The following ZFAND5 variants were observed in gnomAD, a reference collection of about 807,000 sequenced individuals.
ZFAND5 encodes zinc finger AN1-type containing 5.
ZFAND5 carries 4 observed loss-of-function variants against 23.6 expected under a neutral mutation model. The ratio of observed to expected loss-of-function variants is 0.17; its 90% CI spans 0.08 to 0.39. The LOEUF is 0.39. Among genes scored for constraint, ZFAND5 ranks in the 10% least tolerant of loss-of-function variants. The probability of loss-of-function intolerance (pLI) is 1.00; values close to 1 mark genes in which losing one functional copy is unlikely to be tolerated. For synonymous variants in ZFAND5, 68 were observed against 80.6 expected, an observed-to-expected ratio of 0.84 and a Z score of 0.84; for missense variants, 161 against 253.7, an observed-to-expected ratio of 0.63 and a Z score of 2.48.
At position 72,353,029 on chromosome 9, in the gene ZFAND5, G is replaced by C. The variant is rs891530921; in HGVS notation, c.*2924C>G. The stretch of plus-strand genomic sequence containing the variant: ...ACCTAGGATCAAACCTGAGGCTCTA[G>C]TTTTACAGATCAGGCACACTGAAGA... On this transcript the variant is annotated 3_prime_UTR_variant, in exon 7 of 7. Transcript: ENST00000376962. 7 of 152,234 alleles carry C rather than the reference G, an allele frequency of 4.6e-5. No individual in the cohort carries two copies. Among genetic ancestry groups the C allele is most frequent in the African/African-American group, 1.7e-4 (7 of 41,458 alleles). The allele number at this position is 152,234 out of a possible 1,614,324, so 9.4% of individuals were successfully genotyped here.
chr9:72,360,353 T>C, intron 3 of ZFAND5, 132 bp from the exon 4 acceptor site: 1 of 889,884 alleles, frequency 1.1e-6, no homozygotes. Context: ...AATCCTATAC[T>C]TGAGTATCCA....
Position 72,359,456 on chromosome 9 carries a change from T to C in ZFAND5, c.329A>G (p.Asp110Gly). 1 of 1,613,706 alleles carries C rather than the reference T, an allele frequency of 6.2e-7. No homozygotes were observed. ...QMTEMSISREDKITTPKTEVS... is the reference protein window; with the variant it reads ...QMTEMSISREGKITTPKTEVS... ...CTCTGTTTTCGGGGTAGTTATTTTG[T>C]CCTCTCTTGAAATGCTCATTTCTGT... Residue 110 changes from aspartate to glycine, a missense_variant, in exon 5 of 7, where the codon GAC (aspartate) becomes GGC (glycine). Physicochemically the swap from Asp to Gly is moderately conservative, Grantham distance 94. This residue lies in a region of ZFAND5 where 116 missense variants were observed against 115.2 expected (regional missense o/e 1.01). Coordinates refer to ENST00000376962, the MANE Select transcript of ZFAND5 (RefSeq NM_001102420.3).
chr9:72,364,617 G>C, intron 1 of ZFAND5, 79 bp downstream of exon 1: 1 of 1,203,646 alleles, frequency 8.3e-7, no homozygotes, highest in Non-Finnish European at 1.1e-6. Flanking sequence ...ATTGGCCCGC[G>C]GCGCCCCGGT....
chr9:72,356,644 G>A (rs1213887888), intron 6 of ZFAND5, among the ~76,000 whole-genome samples: 1 of 152,090 alleles, frequency 6.6e-6, no homozygotes, highest in Non-Finnish European at 1.5e-5. Flanking sequence ...AGTAGGTGGC[G>A]CTTACTGTTA....
At chr9:72,357,681 G>A (rs568545592) in intron 5 of ZFAND5, among the ~76,000 whole-genome samples, 11 of 152,048 alleles carry the variant, frequency 7.2e-5, no homozygotes, top group Admixed American at 4.6e-4. Context: ...AAAACAGATC[G>A]GCAAACAGTC....
intron 2 of ZFAND5, among the ~76,000 whole-genome samples, chr9:72,361,679 A>AT (rs1379153038): frequency 6.6e-6 from 1 of 152,092 alleles, no homozygotes; most frequent in African/African-American, 2.4e-5. Flanking sequence ...CATAGCAAGC[A>AT]TTTGTTTCCA....
chr9:72,358,839 T>C (rs1842015685), intron 5 of ZFAND5, among the ~76,000 whole-genome samples: 1 of 152,096 alleles, frequency 6.6e-6, no homozygotes, highest in Non-Finnish European at 1.5e-5. Flanking sequence ...ATCTTTTTGT[T>C]CTAGGGCCTA....
chr9:72,356,158 A>G, intron 6 of ZFAND5, 57 bp from the exon 7 acceptor site: 1 of 1,574,162 alleles, frequency 6.4e-7, no homozygotes, highest in Non-Finnish European at 8.6e-7. Context: ...AAAGAAAAAA[A>G]AGCCTTAGTC....
In ZFAND5 at chr9:72,363,656, G is replaced by A. The variant is rs1284960680; in HGVS notation, c.-146-50C>T. 3.1e-6 allele frequency: 3 copies of A among 982,608 alleles called. No homozygotes were observed. In the East Asian group the frequency reaches 3.4e-4, roughly 112 times the overall value. The allele number at this position is 982,608 out of a possible 1,614,324, so 60.9% of individuals were successfully genotyped here. On this transcript the variant is annotated intron_variant, in intron 1 of 6. Coordinates refer to ENST00000376962, the MANE Select transcript of ZFAND5 (RefSeq NM_001102420.3). ...ACTACAAAGAATCCTTAATTTTTTA[G>A]GGGGGTGTGGGGAAACATTTTAACA...
chr9:72,353,390 G>A lies in ZFAND5; in HGVS notation c.*2563C>T, dbSNP rs563221460. On this transcript the variant is annotated 3_prime_UTR_variant, in exon 7 of 7. Transcript: ENST00000376962. ...AAACAAAAAAAAAACAAAAAAAACT[G>A]ATTGGCCGGGTGCGGTGCCTCACGC... The A allele has an allele frequency of 1.3e-5, 2 of 152,202 alleles. No individual in the cohort carries two copies. The highest frequency in any genetic ancestry group is 4.2e-4 in the South Asian group (2 of 4,818). 9.4% of individuals were successfully genotyped at this position (152,202 alleles called of 1,614,324 possible).
rs546409193 is a variant in ZFAND5, at chr9:72,357,116, A to G, written c.368-60T>C. 33 of 1,582,096 alleles carry G rather than the reference A, an allele frequency of 2.1e-5. No individual in the cohort carries two copies. In the East Asian group the frequency reaches 2.9e-4, roughly 14 times the overall value. The stretch of plus-strand genomic sequence containing the variant: ...TCACTGGCTAACATTTTTAAGTCAA[A>G]AAAGGAAGTATTTAAGAGAAACAGG... On this transcript the variant is annotated intron_variant, in intron 5 of 6. Transcript: ENST00000376962.
chr9:72,352,864 GAA>G lies in ZFAND5; in HGVS notation c.*3087_*3088del, dbSNP rs1841814223. ...TGGTTGCTGTCTTCATTTAAGAGATGAAGCAGTCCAAAGTGGACCTAAAATAA... is the reference window on the plus strand; with the variant it reads ...TGGTTGCTGTCTTCATTTAAGAGATGGCAGTCCAAAGTGGACCTAAAATAA... On this transcript the variant is annotated 3_prime_UTR_variant, in exon 7 of 7. Transcript: ENST00000376962. The G allele has an allele frequency of 6.6e-6, 1 of 152,240 alleles. No individual in the cohort carries two copies. Among genetic ancestry groups the G allele is most frequent in the African/African-American group, 2.4e-5 (1 of 41,462 alleles). The allele number at this position is 152,240 out of a possible 1,614,324, so 9.4% of individuals were successfully genotyped here.
intron 1 of ZFAND5, 52 bp downstream of exon 1, chr9:72,364,644 C>A (rs1842211788): frequency 1.7e-6 from 2 of 1,161,832 alleles, no homozygotes; most frequent in East Asian, 9.1e-5. Context: ...ACTCCCGCCC[C>A]CGGCCCGGCA....
chr9:72,356,910 T>C, intron 6 of ZFAND5, 21 bp downstream of exon 6: 1 of 1,610,908 alleles, frequency 6.2e-7, no homozygotes, highest in Non-Finnish European at 8.5e-7. Flanking sequence ...AAAACATACA[T>C]TGTCTTGTGT....
chr9:72,360,162 T>C lies in ZFAND5; in HGVS notation c.211A>G (p.Thr71Ala). ...SDSASVQRAD[T>A]SLNNCEGAAG... The stretch of plus-strand genomic sequence containing the variant: ...GCACCTTCACAGTTGTTTAAGCTAG[T>C]GTCTGCTCTCTGTACAGATGCAGAA... Residue 71 changes from threonine (T) to alanine (A), a missense_variant, in exon 4 of 7, where the codon ACT becomes GCT. Physicochemically the swap from Thr to Ala is moderately conservative, Grantham distance 58. This residue lies in a region of ZFAND5 where 116 missense variants were observed against 115.2 expected (regional missense o/e 1.01). Transcript: ENST00000376962. 5 of 1,613,052 alleles carry C rather than the reference T, an allele frequency of 3.1e-6. No homozygotes were observed. The highest frequency in any genetic ancestry group is 4.2e-6 in the Non-Finnish European group (5 of 1,179,414).
chr9:72,362,244 A>C (rs771914220), intron 2 of ZFAND5, among the ~76,000 whole-genome samples: 3 of 152,246 alleles, frequency 2.0e-5, no homozygotes, highest in Non-Finnish European at 4.4e-5. Flanking sequence ...TAAACATTTC[A>C]ACATCACTTA....
At position 72,353,473 on chromosome 9, in the gene ZFAND5, C is replaced by G. The variant is rs1294708363; in HGVS notation, c.*2480G>C. ...GGCAGCTCACCTGAGGTCAGGAGTTCAAGACCAGCCTGACCAACATGGAGA... is the reference window on the plus strand; with the variant it reads ...GGCAGCTCACCTGAGGTCAGGAGTTGAAGACCAGCCTGACCAACATGGAGA... On this transcript the variant is annotated 3_prime_UTR_variant, in exon 7 of 7. Coordinates refer to ENST00000376962, the MANE Select transcript of ZFAND5 (RefSeq NM_001102420.3). The G allele has an allele frequency of 6.6e-6, 1 of 152,234 alleles. No individual in the cohort carries two copies. The highest frequency in any genetic ancestry group is 2.4e-5 in the African/African-American group (1 of 41,454). The allele number at this position is 152,234 out of a possible 1,614,324, so 9.4% of individuals were successfully genotyped here.
At position 72,355,113 on chromosome 9, in the gene ZFAND5, T is replaced by C. The variant is rs1055814958; in HGVS notation, c.*840A>G. 1 of 152,664 alleles carries C rather than the reference T, an allele frequency of 6.6e-6. No individual in the cohort carries two copies. The highest frequency in any genetic ancestry group is 6.5e-5 in the Admixed American group (1 of 15,284). The allele number at this position is 152,664 out of a possible 1,614,324, so 9.5% of individuals were successfully genotyped here. On this transcript the variant is annotated 3_prime_UTR_variant, in exon 7 of 7. Transcript: ENST00000376962. ...CACATGAAAAATTATTCAGATACCT[T>C]TGCAACTTAAAATTCAGATGCATGT...
chr9:72,361,108 CTT>C (rs1842086075), intron 2 of ZFAND5, among the ~76,000 whole-genome samples: 1 of 152,164 alleles, frequency 6.6e-6, no homozygotes, highest in Non-Finnish European at 1.5e-5. Context: ...AAACTGGTAT[CTT>C]TAACTTTTCA....
Sources: allele counts gnomAD v4.1 joint callset (sites outside exome capture counted in the v4.1 genomes callset), GRCh38; gene constraint gnomAD v4.1.1; regional missense constraint gnomAD v4.1.1; transcripts MANE v1.5; gene names NCBI Gene and HGNC (gene_info 2026-07-23, HGNC 2026-07-21).